The following CSMD1 variants were observed in gnomAD, a reference collection of about 807,000 sequenced individuals.
CSMD1 encodes CUB and sushi domain-containing protein 1.
CSMD1 carries 213 observed loss-of-function variants against 417.5 expected under a neutral mutation model. The ratio of observed to expected loss-of-function variants is 0.51; its 90% confidence interval spans 0.46 to 0.57. CSMD1 has a LOEUF of 0.57. Ranked by LOEUF, CSMD1 falls within the 20% of genes least tolerant of loss-of-function variation. The probability of loss-of-function intolerance (pLI) is 0.00; values close to 1 mark genes in which losing one functional copy is unlikely to be tolerated. For missense variants in CSMD1, 6,923 were observed against 4,529.7 expected, an observed-to-expected ratio of 1.53 and a Z score of -15.17; for synonymous variants, 2,862 against 1,736.8, an observed-to-expected ratio of 1.65 and a Z score of -16.11.
intron 49 of CSMD1, among the ~76,000 whole-genome samples, chr8:3,075,127 CT>C (rs1307929109): frequency 6.6e-6 from 1 of 152,120 alleles, no homozygotes; most frequent in Non-Finnish European, 1.5e-5. Flanking sequence ...CCCCCTTCAC[CT>C]TCTGCCATGA....
At chr8:3,421,647 C>T (rs1813494095) in intron 12 of CSMD1, among the ~76,000 whole-genome samples, 1 of 151,776 alleles carries the variant, frequency 6.6e-6, no homozygotes, top group African/African-American at 2.4e-5. Flanking sequence ...ATGTCTTTTT[C>T]TTTTTTTTGA....
chr8:3,306,531 G>T (rs371101031), intron 25 of CSMD1, among the ~76,000 whole-genome samples: 3 of 152,150 alleles, frequency 2.0e-5, no homozygotes, highest in African/African-American at 4.8e-5. Flanking sequence ...CAGCTGGGCT[G>T]ATTCATTTAG....
intron 3 of CSMD1, among the ~76,000 whole-genome samples, chr8:4,153,887 A>C (rs544681125): frequency 7.9e-5 from 12 of 152,350 alleles, no homozygotes; most frequent in Admixed American, 4.6e-4. Context: ...CAGCAAACTA[A>C]CATCTCAGAT....
rs367730492 is a variant in CSMD1 at position 3,052,601 on chromosome 8, G to A, written c.7521C>T (p.Thr2507=). ...IPESPGNGSF[T]GNEFTLDSKV... ...TACTGTCCAAAGTGAACTCGTTCCCGGTAAATGAACCGTTTCCTGGGGATT... is the reference window on the plus strand; with the variant it reads ...TACTGTCCAAAGTGAACTCGTTCCCAGTAAATGAACCGTTTCCTGGGGATT... Residue 2507 remains threonine, a synonymous_variant, in exon 50 of 70, where the codon ACC becomes ACT. Coordinates refer to ENST00000635120, the MANE Select transcript of CSMD1 (RefSeq NM_033225.6). 509 of 1,611,530 alleles carry A rather than the reference G, an allele frequency of 3.2e-4. 6 individuals are homozygous for A. Among genetic ancestry groups the A allele is most frequent in the African/African-American group, 2.9e-3 (221 of 74,940 alleles).
chr8:3,223,467 T>C (rs1277089917), intron 28 of CSMD1, among the ~76,000 whole-genome samples: 1 of 152,196 alleles, frequency 6.6e-6, no homozygotes, highest in Non-Finnish European at 1.5e-5. Flanking sequence ...ACATTCTGTT[T>C]AAGCCTTCTC....
chr8:3,488,301 T>G (rs946506846), intron 11 of CSMD1, among the ~76,000 whole-genome samples: 2 of 151,780 alleles, frequency 1.3e-5, no homozygotes, highest in Non-Finnish European at 2.9e-5. Context: ...AGAGACGGAG[T>G]TTCATCCTGT....
intron 5 of CSMD1, among the ~76,000 whole-genome samples, chr8:3,968,374 G>C (rs896945493): frequency 6.6e-6 from 1 of 152,114 alleles, no homozygotes; most frequent in African/African-American, 2.4e-5. Flanking sequence ...CTGGGCACCA[G>C]CTCAGTGTGG....
chr8:3,137,965 C>G (rs757299938), intron 41 of CSMD1, among the ~76,000 whole-genome samples: 1 of 152,222 alleles, frequency 6.6e-6, no homozygotes, highest in African/African-American at 2.4e-5. Context: ...TGGCTCATGC[C>G]TGTAATCCCA....
chr8:4,330,740 T>G (rs1304575821), intron 3 of CSMD1, among the ~76,000 whole-genome samples: 8 of 152,224 alleles, frequency 5.3e-5, no homozygotes, highest in Non-Finnish European at 8.8e-5. Context: ...GTGACTTATC[T>G]GCATTCCTGT....
chr8:4,193,060 C>A (rs1005159256), intron 3 of CSMD1, among the ~76,000 whole-genome samples: 1 of 152,148 alleles, frequency 6.6e-6, no homozygotes, highest in African/African-American at 2.4e-5. Context: ...ATGTATTTAT[C>A]TTATTTGAAA....
rs139534664 is a variant in CSMD1 at position 3,328,527 on chromosome 8, G to C, written c.3631+14767C>G. ...GTGTTCAGACTGTCATATGATCTTC[G>C]GCCTAAAATGTATTCCTGTTTTTCC... On this transcript the variant is annotated intron_variant, in intron 23 of 69. Transcript: ENST00000635120. Among the ~76,000 whole-genome samples the C allele has an allele frequency of 5.9e-5, 9 of 152,148 alleles. No homozygotes were observed. The East Asian group carries it at 1.2e-3, about 20-fold the overall frequency.
chr8:4,261,097 ATGTGTCATTTACACATGTCTG>A (rs1289034102), intron 3 of CSMD1, among the ~76,000 whole-genome samples: 6 of 152,204 alleles, frequency 3.9e-5, no homozygotes, highest in African/African-American at 1.4e-4. Flanking sequence ...TAATTTTTCT[ATGTGTCATTTACACATGTCTG>A]TGTTTGTTAG....
chr8:4,379,267 A>T (rs927922504), intron 3 of CSMD1, among the ~76,000 whole-genome samples: 23 of 152,224 alleles, frequency 1.5e-4, no homozygotes, highest in Admixed American at 1.4e-3. Context: ...TTTAAAAAAT[A>T]GGTGACCAGA....
At chr8:3,995,868 T>C (rs1054239878) in intron 5 of CSMD1, among the ~76,000 whole-genome samples, 1 of 152,184 alleles carries the variant, frequency 6.6e-6, no homozygotes, top group Non-Finnish European at 1.5e-5. Flanking sequence ...CACAGGATCA[T>C]AGTTCCCACT....
chr8:3,831,588 A>T (rs954403674), intron 5 of CSMD1, among the ~76,000 whole-genome samples: 2 of 152,152 alleles, frequency 1.3e-5, no homozygotes, highest in South Asian at 4.1e-4. Context: ...GAATATCCCA[A>T]ATGTCCTCTC....
intron 1 of CSMD1, among the ~76,000 whole-genome samples, chr8:4,875,896 T>G (rs1205939998): frequency 2.6e-5 from 4 of 152,052 alleles, no homozygotes; most frequent in Non-Finnish European, 5.9e-5. Context: ...GAATATTTAA[T>G]TACTCAAAAG....
chr8:4,703,141 C>T (rs565897997), intron 1 of CSMD1, among the ~76,000 whole-genome samples: 3 of 152,186 alleles, frequency 2.0e-5, no homozygotes, highest in African/African-American at 7.2e-5. Flanking sequence ...CAATATCTGG[C>T]AGAAAAAAGT....
intron 5 of CSMD1, among the ~76,000 whole-genome samples, chr8:3,874,584 T>A (rs1340420123): frequency 6.6e-6 from 1 of 152,168 alleles, no homozygotes; most frequent in Non-Finnish European, 1.5e-5. Context: ...ATGGAGATCT[T>A]CTTAAAAGCA....
chr8:3,516,476 G>A (rs147706380), intron 10 of CSMD1, among the ~76,000 whole-genome samples: 3 of 152,238 alleles, frequency 2.0e-5, no homozygotes, highest in Non-Finnish European at 4.4e-5. Context: ...CCACTTCAGT[G>A]TCTGTGAAGA....
Sources: allele counts gnomAD v4.1 joint callset (sites outside exome capture counted in the v4.1 genomes callset), GRCh38; gene constraint gnomAD v4.1.1; transcripts MANE v1.5; gene names NCBI Gene and HGNC (gene_info 2026-07-23, HGNC 2026-07-21).